GLIS3: variants seen among roughly 807,000 people sequenced by gnomAD.
GLIS3 encodes the protein GLIS family zinc finger 3.
Under a neutral mutation model 78.6 loss-of-function variants are expected in GLIS3, and 53 were observed. The observed-to-expected ratio is 0.67, with a 90% CI of 0.54 to 0.85. The LOEUF (loss-of-function observed/expected upper bound fraction) is 0.85. GLIS3 is among the 40% of genes least tolerant of loss of function. The probability of loss-of-function intolerance (pLI) is 0.00; values close to 1 mark genes in which losing one functional copy is unlikely to be tolerated. For missense variants in GLIS3, 1,703 were observed against 1,231.1 expected (o/e 1.38, Z -5.74); for synonymous variants, 684 against 509.9 (o/e 1.34, Z -4.60).
At chr9:4,368,035 T>C in the GLIS3 span, among the ~76,000 whole-genome samples, 1 of 152,242 alleles carries the variant, frequency 6.6e-6, no homozygotes, top group African/African-American at 2.4e-5. Context: ...CTGTATGATG[T>C]TTCCTCTTAG....
intron 2 of GLIS3, among the ~76,000 whole-genome samples, chr9:4,197,941 G>GGAAAGA (rs933213187): frequency 7.2e-6 from 1 of 138,504 alleles, no homozygotes; most frequent in Non-Finnish European, 1.6e-5. Context: ...AAAGGGAGAG[G>GGAAAGA]GAAAGAGAAA....
intron 4 of GLIS3, among the ~76,000 whole-genome samples, chr9:3,972,659 T>C (rs997926385): frequency 5.3e-5 from 8 of 152,170 alleles, no homozygotes; most frequent in African/African-American, 1.9e-4. Flanking sequence ...CTATGAAATG[T>C]GGTGGGCACA....
At chr9:4,105,947 C>T (rs1311054157) in intron 4 of GLIS3, among the ~76,000 whole-genome samples, 2 of 152,130 alleles carry the variant, frequency 1.3e-5, no homozygotes, top group African/African-American at 4.8e-5. Context: ...GAAATACTTG[C>T]TACAGGGAGG....
At chr9:3,939,555 T>C (rs539760780) in intron 4 of GLIS3, among the ~76,000 whole-genome samples, 1 of 152,156 alleles carries the variant, frequency 6.6e-6, no homozygotes, top group Non-Finnish European at 1.5e-5. Context: ...ATCCTGACCA[T>C]TTTCAAATAG....
intron 4 of GLIS3, among the ~76,000 whole-genome samples, chr9:3,992,686 C>T (rs1279869471): frequency 6.6e-6 from 1 of 152,106 alleles, no homozygotes; most frequent in African/African-American, 2.4e-5. Context: ...AAATTTTCAT[C>T]GTAAGAGTAA....
At chr9:3,895,468 T>C (rs944783639) in intron 7 of GLIS3, among the ~76,000 whole-genome samples, 1 of 152,206 alleles carries the variant, frequency 6.6e-6, no homozygotes, top group Non-Finnish European at 1.5e-5. Context: ...TTCAGAATAG[T>C]AGACAAGTAA....
chr9:3,930,443 T>C (rs929722449), intron 6 of GLIS3, among the ~76,000 whole-genome samples: 3 of 152,218 alleles, frequency 2.0e-5, no homozygotes, highest in Non-Finnish European at 4.4e-5. Context: ...GTCAATAAAA[T>C]AATATTTTGC....
intron 8 of GLIS3, among the ~76,000 whole-genome samples, chr9:3,871,835 GTTACT>G (rs1386022485): frequency 6.6e-6 from 1 of 152,206 alleles, no homozygotes; most frequent in Non-Finnish European, 1.5e-5. Context: ...TTGGCTCCTC[GTTACT>G]TATGCAAATT....
At chr9:4,399,010 G>T in the GLIS3 span, among the ~76,000 whole-genome samples, 1 of 152,088 alleles carries the variant, frequency 6.6e-6, no homozygotes, top group Non-Finnish European at 1.5e-5. Flanking sequence ...AGATTCCTTT[G>T]TTTTCTGCTC....
intron 4 of GLIS3, among the ~76,000 whole-genome samples, chr9:4,009,455 G>C (rs1009128137): frequency 2.0e-5 from 3 of 152,194 alleles, no homozygotes; most frequent in Non-Finnish European, 4.4e-5. Flanking sequence ...TGCAGCCATG[G>C]CCCCGGCCCT....
chr9:4,129,714 C>T (rs1832830434), intron 2 of GLIS3, among the ~76,000 whole-genome samples: 2 of 152,162 alleles, frequency 1.3e-5, no homozygotes, highest in Admixed American at 1.3e-4. Flanking sequence ...ATTAGCCAGG[C>T]TCGGGTATTT....
chr9:4,381,519 C>T, the GLIS3 span, among the ~76,000 whole-genome samples: 1 of 152,176 alleles, frequency 6.6e-6, no homozygotes, highest in African/African-American at 2.4e-5. Context: ...TCACATAGTA[C>T]TCACAAAGCC....
intron 2 of GLIS3, among the ~76,000 whole-genome samples, chr9:4,151,803 T>C (rs1834701919): frequency 6.6e-6 from 1 of 152,206 alleles, no homozygotes; most frequent in African/African-American, 2.4e-5. Flanking sequence ...AATAATCATC[T>C]GTTCCTAGTT....
intron 4 of GLIS3, among the ~76,000 whole-genome samples, chr9:3,952,838 T>G (rs910441396): frequency 1.3e-5 from 2 of 152,138 alleles, no homozygotes; most frequent in Non-Finnish European, 2.9e-5. Context: ...ATGCTACATT[T>G]CTAAAAAAAA....
chr9:3,902,037 A>G (rs1024714092), intron 6 of GLIS3, among the ~76,000 whole-genome samples: 2 of 152,168 alleles, frequency 1.3e-5, no homozygotes, highest in African/African-American at 4.8e-5. Context: ...ACCCGTACCA[A>G]CGAGGTCTTT....
chr9:4,035,203 C>A (rs953359981), intron 4 of GLIS3, among the ~76,000 whole-genome samples: 1 of 152,086 alleles, frequency 6.6e-6, no homozygotes, highest in African/African-American at 2.4e-5. Context: ...TCACTATAAC[C>A]TTTTATGGCA....
chr9:4,393,369 A>G, the GLIS3 span, among the ~76,000 whole-genome samples: 1 of 152,176 alleles, frequency 6.6e-6, no homozygotes, highest in African/African-American at 2.4e-5. Flanking sequence ...CTTTTTTTAA[A>G]AAAATGATAT....
chr9:4,339,560 C>G (rs1422171528), intron 2 of GLIS3, among the ~76,000 whole-genome samples: 1 of 151,050 alleles, frequency 6.6e-6, no homozygotes, highest in East Asian at 2.0e-4. Flanking sequence ...CGGAAAGAAC[C>G]TCTCCAACCT....
intron 1 of GLIS3, among the ~76,000 whole-genome samples, chr9:4,292,053 C>A (rs1388113123): frequency 4.6e-5 from 7 of 152,100 alleles, no homozygotes; most frequent in African/African-American, 1.4e-4. Flanking sequence ...TGAAAACGAA[C>A]TTGGAACCAA....
Sources: allele counts gnomAD v4.1 joint callset (sites outside exome capture counted in the v4.1 genomes callset), GRCh38; gene constraint gnomAD v4.1.1; transcripts MANE v1.5; gene names NCBI Gene and HGNC (gene_info 2026-07-23, HGNC 2026-07-21).